Variants in YIPF5 observed in about 807,000 individuals in gnomAD.
YIPF5 encodes the protein Yip1 domain family member 5.
Under a neutral mutation model 30.4 loss-of-function variants are expected in YIPF5, and 8 were observed. The ratio of observed to expected loss-of-function variants is 0.26; its 90% CI spans 0.15 to 0.47. The LOEUF (loss-of-function observed/expected upper bound fraction) is 0.47. Among genes scored for constraint, YIPF5 ranks in the 20% least tolerant of loss-of-function variants. YIPF5 has a pLI of 0.99. For synonymous variants in YIPF5, 104 were observed against 107.9 expected (o/e 0.96, Z 0.23); for missense variants, 282 against 301.8 (o/e 0.93, Z 0.49).
chr5:144,160,687 C>A, intron 5 of YIPF5, 128 bp from the exon 6 acceptor site: 6 of 734,850 alleles, frequency 8.2e-6, no homozygotes, highest in South Asian at 4.0e-5. Flanking sequence ...TAGACATATG[C>A]AAAAATAATC....
In YIPF5 at chr5:144,158,662, G is replaced by A; in HGVS notation, c.*1735C>T. 1 of 1,029,326 alleles carries A rather than the reference G, an allele frequency of 9.7e-7. No individual in the cohort carries two copies. The allele number at this position is 1,029,326 out of a possible 1,614,324, so 63.8% of individuals were successfully genotyped here. A position where few individuals can be genotyped will look rare whatever the true frequency, so the allele number is the denominator to read the frequency against. ...ATCCAAGAATTACAATAAAAAATTT[G>A]GTTAAGTTGGAAAGCCTATCAAATT... On this transcript the variant is annotated 3_prime_UTR_variant, in exon 6 of 6. Coordinates refer to ENST00000274496, the MANE Select transcript of YIPF5 (RefSeq NM_030799.9).
At chr5:144,169,804 C>A in intron 2 of YIPF5, 42 bp downstream of exon 2, 4 of 1,511,818 alleles carry the variant, frequency 2.6e-6, no homozygotes, top group Non-Finnish European at 3.7e-6. Flanking sequence ...TGTGTTTTCA[C>A]TGCAATGTAG....
chr5:144,164,678 G>A (rs1310912537), intron 3 of YIPF5, among the ~76,000 whole-genome samples: 1 of 151,932 alleles, frequency 6.6e-6, no homozygotes, highest in African/African-American at 2.4e-5. Context: ...GGGATTACAG[G>A]CGTTGAGACA....
intron 2 of YIPF5, 51 bp downstream of exon 2, chr5:144,169,793 ATG>A: frequency 7.0e-7 from 1 of 1,424,296 alleles, no homozygotes. Context: ...TATTCTAAAT[ATG>A]TGTTTTCACT....
intron 5 of YIPF5, 143 bp downstream of exon 5, chr5:144,162,075 G>T: frequency 1.2e-6 from 1 of 822,364 alleles, no homozygotes; most frequent in Non-Finnish European, 1.9e-6. Flanking sequence ...TTCTTCATCC[G>T]AAACCATTTG....
rs35855385 is a variant in YIPF5 at position 144,159,500 on chromosome 5, TA to T, written c.*896del. 0.16 allele frequency: 156,850 copies of T among 985,090 alleles called. 12,882 individuals carry two copies. Among genetic ancestry groups the T allele is most frequent in the Admixed American group, 0.25 (4,011 of 16,262 alleles). 61.0% of individuals were successfully genotyped at this position (985,090 alleles called of 1,614,324 possible). On this transcript the variant is annotated 3_prime_UTR_variant, in exon 6 of 6. Coordinates refer to ENST00000274496, the MANE Select transcript of YIPF5 (RefSeq NM_030799.9). ...AAGTGTTCGCATTTCATGTCTACAA[TA>T]AGGTAGATTGTGAACTTCCCGTATC...
Position 144,162,293 on chromosome 5 carries a change from C to A in YIPF5, c.536G>T (p.Cys179Phe), listed in dbSNP as rs200965277. 74 of 1,613,972 alleles carry A rather than the reference C, an allele frequency of 4.6e-5. No homozygotes were observed. The highest frequency in any genetic ancestry group is 5.8e-5 in the Non-Finnish European group (68 of 1,179,992). Reference sequence around the variant, plus strand: ...ACAATATCCAAGGACACTTGCCACACAACCAAATGAAACACCTGTCATACT... The same window carrying A: ...ACAATATCCAAGGACACTTGCCACAAAACCAAATGAAACACCTGTCATACT... ...LMSMTGVSFG[C>F]VASVLGYCLL... is the part of the protein sequence containing the mutation. The change falls in exon 5 of 6, where the codon TGT becomes TTT. Residue 179 changes from cysteine (C) to phenylalanine (F), a missense_variant. Cys to Phe is a radical substitution (Grantham distance 205, BLOSUM62 -2). Transcript: ENST00000274496.
intron 5 of YIPF5, among the ~76,000 whole-genome samples, chr5:144,160,834 T>A (rs1160715629): frequency 6.6e-6 from 1 of 152,174 alleles, no homozygotes; most frequent in African/African-American, 2.4e-5. Flanking sequence ...TTGGCACTAC[T>A]GACATTTGGG....
chr5:144,164,068 C>T, intron 4 of YIPF5, 43 bp downstream of exon 4: 1 of 1,597,436 alleles, frequency 6.3e-7, no homozygotes, highest in Admixed American at 1.8e-5. Context: ...AATTTAAAGG[C>T]TGTTCTTTAA....
At chr5:144,164,336 G>A (rs1752138149) in intron 3 of YIPF5, 80 bp from the exon 4 acceptor site, 2 of 1,251,464 alleles carry the variant, frequency 1.6e-6, no homozygotes, top group Admixed American at 2.4e-5. Context: ...TGAAACAAGA[G>A]ACAAAATGAC....
chr5:144,170,086 G>A (rs1216767867), intron 1 of YIPF5, 121 bp from the exon 2 acceptor site: 5 of 724,068 alleles, frequency 6.9e-6, no homozygotes, highest in Non-Finnish European at 1.2e-5. Flanking sequence ...TCGGAGAGGG[G>A]ATGGGGGCGG....
Position 144,159,161 on chromosome 5 carries a change from A to C in YIPF5, c.*1236T>G. On this transcript the variant is annotated 3_prime_UTR_variant, in exon 6 of 6. Coordinates refer to ENST00000274496, the MANE Select transcript of YIPF5 (RefSeq NM_030799.9). Reference sequence around the variant, plus strand: ...TCCCCTTTTTGTCTGATTCTATATTAGCTGATTTCTATTCTTAAAGCTTAA... The same window carrying C: ...TCCCCTTTTTGTCTGATTCTATATTCGCTGATTTCTATTCTTAAAGCTTAA... The C allele has an allele frequency of 1.0e-6, 1 of 985,146 alleles. No individual in the cohort carries two copies. Among genetic ancestry groups the C allele is most frequent in the Non-Finnish European group, 1.2e-6 (1 of 829,660 alleles). 61.0% of individuals were successfully genotyped at this position (985,146 alleles called of 1,614,324 possible).
Position 144,158,892 on chromosome 5 carries a change from CTATT to C in YIPF5, c.*1501_*1504del, listed in dbSNP as rs1263984282. ...CCATTGATACATCATTTTGACATTT[CTATT>C]TAGTCTGAAAATCTCTTTAAAAAAA... On this transcript the variant is annotated 3_prime_UTR_variant, in exon 6 of 6. Coordinates refer to ENST00000274496, the MANE Select transcript of YIPF5 (RefSeq NM_030799.9). 1 of 978,754 alleles carries C rather than the reference CTATT, an allele frequency of 1.0e-6. No homozygotes were observed. Among genetic ancestry groups the C allele is most frequent in the African/African-American group, 1.8e-5 (1 of 55,838 alleles). 60.6% of individuals were successfully genotyped at this position (978,754 alleles called of 1,614,324 possible). A position where few individuals can be genotyped will look rare whatever the true frequency, so the allele number is the denominator to read the frequency against.
chr5:144,169,170 T>C (rs1423912619), intron 2 of YIPF5, among the ~76,000 whole-genome samples: 1 of 152,178 alleles, frequency 6.6e-6, no homozygotes, highest in Non-Finnish European at 1.5e-5. Flanking sequence ...GGAGATGATG[T>C]TTTAGGTGAG....
chr5:144,159,818 T>C lies in YIPF5; in HGVS notation c.*579A>G. 1.8e-6 allele frequency: 1 copy of C among 554,350 alleles called. No homozygotes were observed. The highest frequency in any genetic ancestry group is 2.3e-6 in the Non-Finnish European group (1 of 438,958). The allele number at this position is 554,350 out of a possible 1,614,324, so 34.3% of individuals were successfully genotyped here. A position where few individuals can be genotyped will look rare whatever the true frequency, so the allele number is the denominator to read the frequency against. Reference sequence around the variant, plus strand: ...CCGCCTCCTGGGTTCACACTTCTCCTGCCTCAGCCTCCTGAGTAGCTGGGA... The same window carrying C: ...CCGCCTCCTGGGTTCACACTTCTCCCGCCTCAGCCTCCTGAGTAGCTGGGA... On this transcript the variant is annotated 3_prime_UTR_variant, in exon 6 of 6. Coordinates refer to ENST00000274496, the MANE Select transcript of YIPF5 (RefSeq NM_030799.9).
Position 144,159,972 on chromosome 5 carries a change from T to G in YIPF5, c.*425A>C. The G allele has an allele frequency of 1.0e-6, 1 of 980,620 alleles. No individual in the cohort carries two copies. Among genetic ancestry groups the G allele is most frequent in the Non-Finnish European group, 1.2e-6 (1 of 825,360 alleles). 60.7% of individuals were successfully genotyped at this position (980,620 alleles called of 1,614,324 possible). A position where few individuals can be genotyped will look rare whatever the true frequency, so the allele number is the denominator to read the frequency against. On this transcript the variant is annotated 3_prime_UTR_variant, in exon 6 of 6. Coordinates refer to ENST00000274496, the MANE Select transcript of YIPF5 (RefSeq NM_030799.9). ...ATCCGCCCGCCTCGGCCTCCCAAAG[T>G]GCTGGGATTACAGGCGTGAGCTACC...
Position 144,160,138 on chromosome 5 carries a change from T to C in YIPF5, c.*259A>G, listed in dbSNP as rs957864675. 6.9e-6 allele frequency: 8 copies of C among 1,165,480 alleles called. No individual in the cohort carries two copies. The highest frequency in any genetic ancestry group is 8.4e-6 in the Non-Finnish European group (8 of 947,172). 72.2% of individuals were successfully genotyped at this position (1,165,480 alleles called of 1,614,324 possible). A position where few individuals can be genotyped will look rare whatever the true frequency, so the allele number is the denominator to read the frequency against. On this transcript the variant is annotated 3_prime_UTR_variant, in exon 6 of 6. Transcript: ENST00000274496. ...GCAAGGAAAAAGGTTTTTCAATGGC[T>C]GCAGGAACCAGAAAGAAATAGCATT...
intron 1 of YIPF5, 111 bp downstream of exon 1, chr5:144,170,424 G>A (rs1333724473): frequency 2.9e-5 from 5 of 173,106 alleles, no homozygotes; most frequent in Admixed American, 5.9e-5. Flanking sequence ...TTGAATGAGA[G>A]CGAGGGTCTG....
Position 144,159,122 on chromosome 5 carries a change from A to C in YIPF5, c.*1275T>G. On this transcript the variant is annotated 3_prime_UTR_variant, in exon 6 of 6. Coordinates refer to ENST00000274496, the MANE Select transcript of YIPF5 (RefSeq NM_030799.9). ...TAATACAATAAAATAATGTAACTCA[A>C]ACTGCTCATTTAATCCCCTTTTTGT... is the stretch of plus-strand genomic sequence containing the variant. The C allele has an allele frequency of 1.0e-6, 1 of 983,116 alleles. No individual in the cohort carries two copies. The highest frequency in any genetic ancestry group is 1.2e-6 in the Non-Finnish European group (1 of 827,860). The allele number at this position is 983,116 out of a possible 1,614,324, so 60.9% of individuals were successfully genotyped here. A position where few individuals can be genotyped will look rare whatever the true frequency, so the allele number is the denominator to read the frequency against.
Sources: allele counts gnomAD v4.1 joint callset (sites outside exome capture counted in the v4.1 genomes callset), GRCh38; gene constraint gnomAD v4.1.1; transcripts MANE v1.5; gene names NCBI Gene and HGNC (gene_info 2026-07-23, HGNC 2026-07-21).